FKBP1B: variants seen among roughly 807,000 people sequenced by gnomAD.
FKBP1B encodes the protein FKBP prolyl isomerase 1B.
FKBP1B carries 4 observed loss-of-function variants against 13.5 expected under a neutral mutation model. That is an observed-to-expected ratio of 0.30 (90% confidence interval 0.15 to 0.68). The LOEUF is 0.68. Among genes scored for constraint, FKBP1B ranks in the 30% least tolerant of loss-of-function variants. The pLI is 0.76. For missense variants in FKBP1B, 93 were observed against 136.2 expected (o/e 0.68, Z 1.58); for synonymous variants, 54 against 53.6 (o/e 1.01, Z -0.03).
chr2:24,059,464 T>G (rs980352983), intron 2 of FKBP1B, among the ~76,000 whole-genome samples: 3 of 152,074 alleles, frequency 2.0e-5, no homozygotes, highest in Middle Eastern at 3.4e-3. Flanking sequence ...TTCCCTACAG[T>G]AGGGGATAAT....
intron 2 of FKBP1B, among the ~76,000 whole-genome samples, chr2:24,058,360 T>C (rs1437374870): frequency 1.3e-5 from 2 of 152,144 alleles, no homozygotes; most frequent in African/African-American, 2.4e-5. Flanking sequence ...GTTCATTTTT[T>C]CCCCATATGA....
In FKBP1B at chr2:24,063,482, C is replaced by CG; in HGVS notation, c.*290_*291insG. 1 of 369,120 alleles carries CG rather than the reference C, an allele frequency of 2.7e-6. No homozygotes were observed. The highest frequency in any genetic ancestry group is 5.8e-5 in the South Asian group (1 of 17,268). The allele number at this position is 369,120 out of a possible 1,614,324, so 22.9% of individuals were successfully genotyped here. A position where few individuals can be genotyped will look rare whatever the true frequency, so the allele number is the denominator to read the frequency against. ...TGACAGAACACAGATCTCTTGTTCG[C>CG]ACAATCTACACTGCCTTACCTTCAC... On this transcript the variant is annotated 3_prime_UTR_variant, in exon 4 of 4. Transcript: ENST00000380986.
chr2:24,042,103 A>G, the FKBP1B span, among the ~76,000 whole-genome samples: 4 of 152,068 alleles, frequency 2.6e-5, no homozygotes, highest in Admixed American at 1.3e-4. Context: ...ACTGAGAAAG[A>G]CTAATTTTAG....
the FKBP1B span, chr2:24,039,423 A>T: frequency 6.2e-7 from 1 of 1,614,260 alleles, no homozygotes; most frequent in Non-Finnish European, 8.5e-7. Context: ...AGGCAAGGCC[A>T]TGGATCGGAT....
the FKBP1B span, chr2:24,037,591 A>G: frequency 7.3e-7 from 1 of 1,365,032 alleles, no homozygotes; most frequent in Non-Finnish European, 9.9e-7. Context: ...TTAGAGCACC[A>G]TCTTCCTCAT....
chr2:24,046,981 T>G (rs530957771), upstream of FKBP1B, among the ~76,000 whole-genome samples: 1 of 152,252 alleles, frequency 6.6e-6, no homozygotes, highest in African/African-American at 2.4e-5. Context: ...CTCCTAGCTG[T>G]ACCCAACTTT....
chr2:24,056,631 A>T (rs1394729685), intron 2 of FKBP1B, among the ~76,000 whole-genome samples: 1 of 152,022 alleles, frequency 6.6e-6, no homozygotes, highest in Non-Finnish European at 1.5e-5. Context: ...CCTACTGGCC[A>T]TTTGGATATC....
At chr2:24,060,196 C>T (rs1468136744) in intron 2 of FKBP1B, among the ~76,000 whole-genome samples, 2 of 152,056 alleles carry the variant, frequency 1.3e-5, no homozygotes, top group Admixed American at 6.5e-5. Flanking sequence ...TCAAAAAGAC[C>T]AGTTAGGAGG....
At chr2:24,061,921 C>G (rs551840643) in intron 3 of FKBP1B, among the ~76,000 whole-genome samples, 18 of 152,262 alleles carry the variant, frequency 1.2e-4, no homozygotes, top group African/African-American at 3.6e-4. Flanking sequence ...CAAGGCTGGA[C>G]TGCAGTGGCG....
At chr2:24,048,161 G>A (rs1033582234), upstream of FKBP1B, among the ~76,000 whole-genome samples, 20 of 152,136 alleles carry the variant, frequency 1.3e-4, no homozygotes, top group African/African-American at 4.8e-4. Context: ...CAGTTTTTAT[G>A]TTTTTCTTTT....
the FKBP1B span, chr2:24,038,066 CT>C: frequency 6.2e-7 from 1 of 1,614,086 alleles, no homozygotes; most frequent in Non-Finnish European, 8.5e-7. Flanking sequence ...AGCAACAGCC[CT>C]TTGTTTTGGT....
chr2:24,046,404 C>T (rs1663626940), upstream of FKBP1B, among the ~76,000 whole-genome samples: 1 of 152,168 alleles, frequency 6.6e-6, no homozygotes, highest in African/African-American at 2.4e-5. Flanking sequence ...TCACAATCTC[C>T]AGAGTATAAG....
At chr2:24,054,648 A>G (rs537069181) in intron 2 of FKBP1B, 1 of 164,778 alleles carries the variant, frequency 6.1e-6, no homozygotes, top group African/African-American at 2.4e-5. Flanking sequence ...GGATGGGGCC[A>G]TTTTTAGCAG....
intron 3 of FKBP1B, among the ~76,000 whole-genome samples, chr2:24,061,268 T>C (rs1034869861): frequency 3.0e-4 from 46 of 152,076 alleles, no homozygotes; most frequent in African/African-American, 1.1e-3. Flanking sequence ...AGTTCAAGAC[T>C]AGCCTCACCA....
the FKBP1B span, among the ~76,000 whole-genome samples, chr2:24,040,230 G>A: frequency 6.6e-6 from 1 of 151,982 alleles, no homozygotes; most frequent in East Asian, 1.9e-4. Context: ...CTTTCAAATG[G>A]TTTGACAAAA....
the FKBP1B span, among the ~76,000 whole-genome samples, chr2:24,035,707 G>A: frequency 6.6e-6 from 1 of 151,742 alleles, no homozygotes; most frequent in African/African-American, 2.4e-5. Context: ...TTGAGCCCAG[G>A]ACTTCCAAAC....
the FKBP1B span, chr2:24,039,468 G>A: frequency 1.9e-6 from 3 of 1,612,540 alleles, no homozygotes; most frequent in Non-Finnish European, 2.5e-6. Context: ...GTCCAGTCCT[G>A]AGTAGTTTTC....
the FKBP1B span, among the ~76,000 whole-genome samples, chr2:24,044,612 C>T: frequency 3.3e-5 from 5 of 151,996 alleles, no homozygotes; most frequent in South Asian, 2.1e-4. Flanking sequence ...TTGTCATCTT[C>T]GGTAACAAGA....
upstream of FKBP1B, among the ~76,000 whole-genome samples, chr2:24,045,075 G>A (rs1663569446): frequency 6.6e-6 from 1 of 152,150 alleles, no homozygotes; most frequent in African/African-American, 2.4e-5. Context: ...GACCTGAGAA[G>A]GAAGAAAGTT....
Sources: allele counts gnomAD v4.1 joint callset (sites outside exome capture counted in the v4.1 genomes callset), GRCh38; gene constraint gnomAD v4.1.1; transcripts MANE v1.5; gene names NCBI Gene and HGNC (gene_info 2026-07-23, HGNC 2026-07-21).